FAAH2: variants seen among roughly 807,000 people sequenced by gnomAD.
FAAH2 encodes fatty acid amide hydrolase 2.
In FAAH2, 60 loss-of-function variants were observed where a neutral mutation model predicts 36.9. The ratio of observed to expected loss-of-function variants is 1.63; its 90% CI spans 1.32 to 2.02. The LOEUF (loss-of-function observed/expected upper bound fraction) is 2.02, where lower values mean the gene tolerates loss of function less well. Ranked by LOEUF, FAAH2 falls within the 30% of genes most tolerant of loss-of-function variation. The probability of loss-of-function intolerance (pLI) is 0.00; values close to 1 mark genes in which losing one functional copy is unlikely to be tolerated. For synonymous variants in FAAH2, 214 were observed against 143.8 expected (o/e 1.49, Z -3.49); for missense variants, 689 against 397.5 (o/e 1.73, Z -6.23).
At chrX:57,230,215 C>A in the FAAH2 span, among the ~76,000 whole-genome samples, 1 of 112,145 alleles carries the variant, frequency 8.9e-6, no homozygotes, top group Non-Finnish European at 1.9e-5. Context: ...AGCATTCTTT[C>A]CCGTGTTCTT....
chrX:57,352,157 T>A (rs2054040257), intron 5 of FAAH2, among the ~76,000 whole-genome samples: 2 of 86,390 alleles, frequency 2.3e-5, no homozygotes, highest in Admixed American at 2.7e-4. Flanking sequence ...TGCACATATA[T>A]ATACACATAT....
chrX:57,413,048 G>T (rs1254955039), intron 7 of FAAH2, among the ~76,000 whole-genome samples: 1 of 111,999 alleles, frequency 8.9e-6, no homozygotes, highest in Non-Finnish European at 1.9e-5. Context: ...CTGTTTATAT[G>T]CTTCACCCAC....
the FAAH2 span, among the ~76,000 whole-genome samples, chrX:57,155,547 G>A: frequency 8.9e-6 from 1 of 112,101 alleles, no homozygotes; most frequent in Admixed American, 9.4e-5. Flanking sequence ...AGGCAGTGGG[G>A]CGTGCTGGGC....
At chrX:57,235,125 C>A in the FAAH2 span, among the ~76,000 whole-genome samples, 1 of 110,791 alleles carries the variant, frequency 9.0e-6, no homozygotes, top group East Asian at 2.8e-4. Context: ...GGTGTATGAT[C>A]AGGAACAAGG....
rs1288851502 is a variant in FAAH2 at position 57,333,609 on chromosome X, ATAT to A, written c.622+1803_622+1805del. ...AGCAAATGCTAGAAATAAAAAAAAA[ATAT>A]AACAGAAATGAAGAACATCTTTGAT... On this transcript the variant is annotated intron_variant, in intron 4 of 10. Transcript: ENST00000374900. Among the ~76,000 whole-genome samples, 5 of 109,426 alleles carry A rather than the reference ATAT, an allele frequency of 4.6e-5. No individual in the cohort carries two copies. The East Asian group carries it at 1.1e-3, about 25-fold the overall frequency.
At chrX:57,122,955 T>G in the FAAH2 span, among the ~76,000 whole-genome samples, 1 of 112,333 alleles carries the variant, frequency 8.9e-6, no homozygotes, top group African/African-American at 3.2e-5. Context: ...GAAAGCAATT[T>G]GCAGATATGT....
At chrX:57,152,856 A>G in the FAAH2 span, among the ~76,000 whole-genome samples, 328 of 111,057 alleles carry the variant, frequency 3.0e-3, no homozygotes, top group African/African-American at 0.01. Context: ...TGTCTTCTGC[A>G]TTGCTCACAC....
the FAAH2 span, among the ~76,000 whole-genome samples, chrX:57,203,982 G>T: frequency 6.3e-5 from 7 of 111,350 alleles, no homozygotes; most frequent in South Asian, 2.7e-3. Flanking sequence ...CAGATAACAG[G>T]AACTCTTGCT....
chrX:57,421,310 G>C (rs941686857), intron 7 of FAAH2, among the ~76,000 whole-genome samples: 9 of 111,900 alleles, frequency 8.0e-5, no homozygotes, highest in Non-Finnish European at 1.3e-4. Flanking sequence ...CAGGTGTGGT[G>C]GTGTGCGCCT....
At chrX:57,462,670 G>A (rs2056981670) in intron 10 of FAAH2, among the ~76,000 whole-genome samples, 2 of 112,279 alleles carry the variant, frequency 1.8e-5, no homozygotes, top group Non-Finnish European at 1.9e-5. Context: ...AAAATAATAA[G>A]CACTATTTAT....
At chrX:57,468,749 G>A (rs1333041826) in intron 10 of FAAH2, among the ~76,000 whole-genome samples, 2 of 111,193 alleles carry the variant, frequency 1.8e-5, no homozygotes, top group Admixed American at 1.9e-4. Context: ...TACAGAGAAT[G>A]CTGCAAAGAT....
chrX:57,137,461 C>A, the FAAH2 span: 1 of 510,110 alleles, frequency 2.0e-6, no homozygotes, highest in Non-Finnish European at 2.4e-6. Context: ...GTGGCGGCCA[C>A]CCCTCAGCCA....
At position 57,407,802 on chromosome X, in the gene FAAH2, G is replaced by T. The variant is rs1230577801; in HGVS notation, c.997-24116G>T. 6.3e-5 allele frequency among the ~76,000 whole-genome samples: 7 copies of T among 111,751 alleles called. No homozygotes were observed. The Admixed American group carries it at 6.6e-4, about 11-fold the overall frequency. On this transcript the variant is annotated intron_variant, in intron 7 of 10. Coordinates refer to ENST00000374900, the MANE Select transcript of FAAH2 (RefSeq NM_174912.4). ...TGGCAAGTCTTATGTTTAAATCTTC[G>T]ATCCATTTTGAGATGATTTTTGTGT...
the FAAH2 span, among the ~76,000 whole-genome samples, chrX:57,232,462 G>A: frequency 8.9e-6 from 1 of 112,143 alleles, no homozygotes; most frequent in South Asian, 3.7e-4. Flanking sequence ...AATGTCAAGT[G>A]AGTAGGAAAA....
At chrX:57,418,806 G>C (rs1262810799) in intron 7 of FAAH2, among the ~76,000 whole-genome samples, 8 of 107,880 alleles carry the variant, frequency 7.4e-5, no homozygotes, top group African/African-American at 2.7e-4. Flanking sequence ...TGCCATGCCG[G>C]TGTGCTGCAC....
rs935939238 is a variant in FAAH2, at chrX:57,395,854, C to G, written c.996+14825C>G. On this transcript the variant is annotated intron_variant, in intron 7 of 10. Transcript: ENST00000374900. Reference sequence around the variant, plus strand: ...ATAATATTTGTATCAGGTGATACTGCTTTCATAGAATGAGTTAGAGAGGAA... The same window carrying G: ...ATAATATTTGTATCAGGTGATACTGGTTTCATAGAATGAGTTAGAGAGGAA... Among the ~76,000 whole-genome samples, 3 of 111,639 alleles carry G rather than the reference C, an allele frequency of 2.7e-5. No individual in the cohort carries two copies. The Admixed American group carries it at 2.9e-4, about 11-fold the overall frequency.
At chrX:57,130,571 A>G in the FAAH2 span, among the ~76,000 whole-genome samples, 710 of 112,164 alleles carry the variant, frequency 6.3e-3, 5 homozygotes, top group African/African-American at 0.022. Flanking sequence ...AAGTTTAGTG[A>G]TTTTTAGTTA....
intron 10 of FAAH2, among the ~76,000 whole-genome samples, chrX:57,470,996 A>G (rs750918395): frequency 1.7e-3 from 196 of 112,142 alleles, no homozygotes; most frequent in Non-Finnish European, 3.2e-3. Context: ...GACAAAAAAC[A>G]CATGATTTTC....
chrX:57,392,853 G>A (rs757340342), intron 7 of FAAH2: 7 of 720,318 alleles, frequency 9.7e-6, no homozygotes, highest in Non-Finnish European at 1.3e-5. Flanking sequence ...GTGTGTTTTG[G>A]CCATGCAGAT....
Sources: gnomAD v4.1 joint callset for allele counts (sites outside exome capture counted in the v4.1 genomes callset) on GRCh38, gnomAD v4.1.1 for gene constraint, MANE v1.5 for transcripts, NCBI Gene and HGNC (gene_info 2026-07-23, HGNC 2026-07-21) for gene names.